Variants in PFKM observed in about 807,000 individuals in gnomAD.
PFKM encodes phosphofructokinase, muscle.
Under a neutral mutation model 95.5 loss-of-function variants are expected in PFKM, and 58 were observed. The ratio of observed to expected loss-of-function variants is 0.61; its 90% CI spans 0.49 to 0.76. PFKM has a LOEUF of 0.76. Ranked by LOEUF, PFKM falls within the 30% of genes least tolerant of loss-of-function variation. The pLI is 0.00. For missense variants in PFKM, 678 were observed against 1,005.4 expected, an observed-to-expected ratio of 0.67 and a Z score of 4.40; for synonymous variants, 336 against 357.2, an observed-to-expected ratio of 0.94 and a Z score of 0.67.
chr12:48,129,374 T>C (rs968482456), intron 2 of PFKM, among the ~76,000 whole-genome samples: 2 of 151,956 alleles, frequency 1.3e-5, no homozygotes, highest in Non-Finnish European at 2.9e-5. Context: ...GTTCTAAGTT[T>C]TTCTTCCAGT....
In PFKM at chr12:48,140,671, G is replaced by A. The variant is rs1222841865; in HGVS notation, c.1192-51G>A. ...GCCCTCCTTTACTAACCTCCTCCCT[G>A]TTCCCCTGCTGGGTTTCTGTCCTCA... On this transcript the variant is annotated intron_variant, in intron 13 of 22. Coordinates refer to ENST00000359794, the MANE Select transcript of PFKM (RefSeq NM_000289.6). The A allele has an allele frequency of 5.0e-6, 8 of 1,600,712 alleles. No individual in the cohort carries two copies. The South Asian group carries it at 5.5e-5, about 11-fold the overall frequency.
chr12:48,122,804 A>C lies in PFKM; in HGVS notation c.30A>C (p.Lys10Asn). 6.2e-6 allele frequency: 10 copies of C among 1,614,104 alleles called. No individual in the cohort carries two copies. Among genetic ancestry groups the C allele is most frequent in the Non-Finnish European group, 8.5e-6 (10 of 1,179,950 alleles). MTHEEHHAA[K>N]TLGIGKAIAV... is the part of the protein sequence containing the mutation. Reference sequence around the variant, plus strand: ...CCCATGAAGAGCACCATGCAGCCAAAACCCTGGGGATTGGCAAAGCCATTG... The same window carrying C: ...CCCATGAAGAGCACCATGCAGCCAACACCCTGGGGATTGGCAAAGCCATTG... The change falls in exon 2 of 23, where the codon AAA becomes AAC. Residue 10 changes from lysine to asparagine, a missense_variant. Lys to Asn is a moderately conservative substitution (Grantham distance 94). Coordinates refer to ENST00000359794, the MANE Select transcript of PFKM (RefSeq NM_000289.6).
chr12:48,116,040 A>C (rs1317925460), upstream of PFKM, among the ~76,000 whole-genome samples: 1 of 152,090 alleles, frequency 6.6e-6, no homozygotes, highest in Non-Finnish European at 1.5e-5. Context: ...ACCACTTTAC[A>C]TTCCTACCAG....
intron 17 of PFKM, chr12:48,142,516 G>GTTTTTTTTTTTT: frequency 7.1e-6 from 3 of 423,100 alleles, no homozygotes; most frequent in Non-Finnish European, 8.5e-6. Flanking sequence ...TGTTTTGTTT[G>GTTTTTTTTTTTT]TTTTTTTTTT....
In PFKM at chr12:48,135,384, G is replaced by A. The variant is rs1949974650; in HGVS notation, c.936+1G>A. 1.2e-6 allele frequency: 2 copies of A among 1,608,490 alleles called. No individual in the cohort carries two copies. Among genetic ancestry groups the A allele is most frequent in the Admixed American group, 1.7e-5 (1 of 59,996 alleles). The stretch of plus-strand genomic sequence containing the variant: ...GCCATCAGCCTTTGACAGAATTCTG[G>A]TAAGTCACTGGGCTGTGTGGCCCTC... On this transcript the variant is annotated splice_donor_variant, in intron 10 of 22. Coordinates refer to ENST00000359794, the MANE Select transcript of PFKM (RefSeq NM_000289.6). LOFTEE classifies it high-confidence loss of function.
chr12:48,132,103 G>A (rs1949562637), intron 4 of PFKM: 1 of 455,486 alleles, frequency 2.2e-6, no homozygotes, highest in Admixed American at 2.4e-5. Context: ...AATGGTGCCT[G>A]CCATAAAGTG....
At chr12:48,118,429 A>T, upstream of PFKM, 1 of 876,314 alleles carries the variant, frequency 1.1e-6, no homozygotes, top group Non-Finnish European at 1.8e-6. Context: ...TATTTTGTGT[A>T]GTCAAATGGG....
intron 2 of PFKM, chr12:48,125,368 T>C: frequency 4.5e-6 from 2 of 446,548 alleles, no homozygotes; most frequent in Non-Finnish European, 4.5e-6. Flanking sequence ...ACACCTGTAA[T>C]CCCAGGACTT....
intron 3 of PFKM, among the ~76,000 whole-genome samples, chr12:48,109,408 G>T (rs78804867): frequency 1.3e-3 from 196 of 148,670 alleles, no homozygotes; most frequent in African/African-American, 4.7e-3. Flanking sequence ...ACTGTTTGTG[G>T]TCTACATCCC....
intron 7 of PFKM, among the ~76,000 whole-genome samples, 182 bp downstream of exon 7, chr12:48,134,458 C>T (rs972482979): frequency 2.0e-5 from 3 of 152,224 alleles, no homozygotes; most frequent in Non-Finnish European, 2.9e-5. Context: ...CATGTGTGTA[C>T]GTGCTCAGGC....
At chr12:48,129,206 C>CTTTGTTTTTTTTTTTTT (rs1949165500) in intron 2 of PFKM, among the ~76,000 whole-genome samples, 1 of 46,060 alleles carries the variant, frequency 2.2e-5, no homozygotes, top group Non-Finnish European at 4.5e-5. Flanking sequence ...TTTTAATTTT[C>CTTTGTTTTTTTTTTTTT]TTTCTTTTTT....
chr12:48,128,974 T>C (rs1393646570), intron 2 of PFKM, among the ~76,000 whole-genome samples: 3 of 152,158 alleles, frequency 2.0e-5, no homozygotes, highest in Admixed American at 6.5e-5. Context: ...CTCTCACCAA[T>C]AAGGCCATGC....
chr12:48,115,927 G>A (rs1318727029), upstream of PFKM, among the ~76,000 whole-genome samples: 1 of 152,026 alleles, frequency 6.6e-6, no homozygotes, highest in East Asian at 1.9e-4. Flanking sequence ...GTGTACATAT[G>A]TTTTCATTTT....
chr12:48,124,266 G>T (rs2137904098), intron 2 of PFKM, among the ~76,000 whole-genome samples: 1 of 152,326 alleles, frequency 6.6e-6, no homozygotes, highest in East Asian at 1.9e-4. Context: ...TAGGAATGCA[G>T]AGCCCTAGTT....
At chr12:48,121,938 G>A (rs961151829) in intron 1 of PFKM, among the ~76,000 whole-genome samples, 7 of 152,262 alleles carry the variant, frequency 4.6e-5, no homozygotes, top group East Asian at 3.9e-4. Flanking sequence ...ACAAAAATAC[G>A]TCCTCTTGTG....
intron 19 of PFKM, 92 bp downstream of exon 19, chr12:48,143,906 A>G: frequency 8.9e-7 from 1 of 1,123,158 alleles, no homozygotes; most frequent in Non-Finnish European, 1.4e-6. Flanking sequence ...ACCCTGAGGA[A>G]TCTGTAGATA....
At chr12:48,137,459 T>C in intron 10 of PFKM, 1 of 538,248 alleles carries the variant, frequency 1.9e-6, no homozygotes, top group Non-Finnish European at 3.3e-6. Context: ...TAAGCCCCAG[T>C]AATCCTGTTG....
Position 48,145,505 on chromosome 12 carries a change from G to C in PFKM, c.2199-59G>C. 6.3e-7 allele frequency: 1 copy of C among 1,598,520 alleles called. No individual in the cohort carries two copies. Among genetic ancestry groups the C allele is most frequent in the Non-Finnish European group, 8.6e-7 (1 of 1,166,762 alleles). On this transcript the variant is annotated intron_variant, in intron 22 of 22. Coordinates refer to ENST00000359794, the MANE Select transcript of PFKM (RefSeq NM_000289.6). The surrounding 1 kb of genome is among the most constrained non-coding windows in gnomAD (Gnocchi z 4.3). ...GTCTAACTTCTTCCTATAAACCTTTGGTAGAAGTTGATTGGGGTGCTAAAA... is the reference window on the plus strand; with the variant it reads ...GTCTAACTTCTTCCTATAAACCTTTCGTAGAAGTTGATTGGGGTGCTAAAA...
intron 10 of PFKM, chr12:48,137,330 T>A: frequency 3.6e-6 from 1 of 277,570 alleles, no homozygotes; most frequent in Admixed American, 5.0e-5. Flanking sequence ...CCAAAAATGC[T>A]GGAATTACAG....
Sources: allele counts gnomAD v4.1 joint callset (sites outside exome capture counted in the v4.1 genomes callset), GRCh38; gene constraint gnomAD v4.1.1; non-coding constraint Gnocchi (gnomAD v3.1); transcripts MANE v1.5; gene names NCBI Gene and HGNC (gene_info 2026-07-23, HGNC 2026-07-21).